The following COG6 variants were observed in gnomAD, a reference collection of about 807,000 sequenced individuals.
The protein encoded by COG6 is component of oligomeric golgi complex 6, also known as conserved oligomeric Golgi complex subunit 6.
COG6 carries 74 observed loss-of-function variants against 88.8 expected under a neutral mutation model. The observed-to-expected ratio is 0.83, with a 90% CI of 0.69 to 1.01. COG6 has a LOEUF of 1.01. COG6 is among the 50% of genes least tolerant of loss of function. The probability of loss-of-function intolerance (pLI) is 0.00; values close to 1 mark genes in which losing one functional copy is unlikely to be tolerated. For missense variants in COG6, 800 were observed against 797.9 expected (o/e 1.00, Z -0.03); for synonymous variants, 286 against 278.7 (o/e 1.03, Z -0.26).
chr13:39,761,026 T>C lies in COG6; in HGVS notation c.1827-27309T>C, dbSNP rs535348159. ...TAGCAATGTAAATTTGTCAGTATAA[T>C]AGAGAATCCACTTATATTTCTTCAA... On this transcript the variant is annotated intron_variant, in intron 18 of 18. Coordinates refer to the COG6 transcript ENST00000416691. 7.6e-4 allele frequency among the ~76,000 whole-genome samples: 116 copies of C among 151,986 alleles called. 1 individual carries two copies. Among genetic ancestry groups the C allele is most frequent in the African/African-American group, 2.7e-3 (112 of 41,484 alleles).
chr13:39,670,182 A>G (rs1483635759), intron 4 of COG6, among the ~76,000 whole-genome samples: 1 of 152,184 alleles, frequency 6.6e-6, no homozygotes, highest in African/African-American at 2.4e-5. Flanking sequence ...ACAGGACTGC[A>G]GGTTAGCATT....
rs1028891053 is a variant in COG6 at position 39,687,492 on chromosome 13, G to T, written c.789-11G>T. 3.1e-6 allele frequency: 5 copies of T among 1,610,902 alleles called. No homozygotes were observed. Among genetic ancestry groups the T allele is most frequent in the South Asian group, 1.1e-5 (1 of 90,982 alleles). ...ACCCCAACCATTTTTTATATAACTT[G>T]TTTCTTCTAGATATACCTTAGATGA... On this transcript the variant is annotated splice_polypyrimidine_tract_variant and intron_variant, in intron 8 of 18. Coordinates refer to ENST00000455146, the MANE Select transcript of COG6 (RefSeq NM_020751.3).
At chr13:39,769,146 A>G (rs150738680) in intron 18 of COG6, among the ~76,000 whole-genome samples, 45 of 152,152 alleles carry the variant, frequency 3.0e-4, no homozygotes, top group Non-Finnish European at 5.3e-4. Flanking sequence ...AGCTTTTCTA[A>G]AGTCTTTTGT....
rs74659505 is a variant in COG6, at chr13:39,759,365, G to A, written c.1827-28970G>A. The stretch of plus-strand genomic sequence containing the variant: ...GAGGAATATTTTCCTTGAACCTGGT[G>A]ATAGTACTGATATATAATTGTCCAG... On this transcript the variant is annotated intron_variant, in intron 18 of 18. Transcript: ENST00000416691. 7.7e-3 allele frequency among the ~76,000 whole-genome samples: 1,176 copies of A among 152,204 alleles called. 22 individuals carry two copies. The highest frequency in any genetic ancestry group is 0.027 in the African/African-American group (1,124 of 41,526).
intron 18 of COG6, among the ~76,000 whole-genome samples, chr13:39,769,432 C>A (rs938079611): frequency 6.6e-6 from 1 of 152,080 alleles, no homozygotes; most frequent in African/African-American, 2.4e-5. Context: ...GGCCGTGGGA[C>A]CTGGGAAAGA....
At chr13:39,739,209 C>G (rs1879920400) in intron 18 of COG6, among the ~76,000 whole-genome samples, 1 of 151,978 alleles carries the variant, frequency 6.6e-6, no homozygotes, top group Non-Finnish European at 1.5e-5. Context: ...CTAGCAAGAA[C>G]TAGAAAAGTC....
chr13:39,726,645 A>G (rs1434271740), intron 17 of COG6, among the ~76,000 whole-genome samples: 1 of 151,900 alleles, frequency 6.6e-6, no homozygotes, highest in East Asian at 1.9e-4. Context: ...CTTAAATCAG[A>G]TTTCTCCCTT....
intron 3 of COG6, among the ~76,000 whole-genome samples, chr13:39,664,598 G>T (rs75575490): frequency 0.059 from 9,021 of 152,222 alleles, 380 homozygotes; most frequent in Non-Finnish European, 0.095. Context: ...TTTAGATGGG[G>T]CTAGCTCTGA....
intron 18 of COG6, 54 bp downstream of exon 18, chr13:39,727,602 C>A: frequency 1.6e-6 from 2 of 1,276,278 alleles, no homozygotes; most frequent in Non-Finnish European, 2.3e-6. Flanking sequence ...TTTTAAATAT[C>A]AAGTACATTT....
Position 39,752,184 on chromosome 13 carries a change from G to A in COG6, c.*1091G>A. 1.7e-6 allele frequency: 2 copies of A among 1,146,266 alleles called. No individual in the cohort carries two copies. The highest frequency in any genetic ancestry group is 2.2e-6 in the Non-Finnish European group (2 of 894,846). The allele number at this position is 1,146,266 out of a possible 1,614,324, so 71.0% of individuals were successfully genotyped here. ...TAATTTCTAGTAAATCTATAAAAAT[G>A]GGTAAGTCCCTAAATTACAAATGAG... On this transcript the variant is annotated 3_prime_UTR_variant, in exon 19 of 19. Coordinates refer to ENST00000455146, the MANE Select transcript of COG6 (RefSeq NM_020751.3).
intron 13 of COG6, among the ~76,000 whole-genome samples, chr13:39,700,957 C>T (rs1485908105): frequency 1.3e-5 from 2 of 151,620 alleles, no homozygotes; most frequent in African/African-American, 4.8e-5. Context: ...ATAGAATATG[C>T]TAGAACATGA....
Position 39,677,468 on chromosome 13 carries a change from C to G in COG6, c.429C>G (p.Ser143Arg). 1 of 1,590,862 alleles carries G rather than the reference C, an allele frequency of 6.3e-7. No individual in the cohort carries two copies. The highest frequency in any genetic ancestry group is 8.6e-7 in the Non-Finnish European group (1 of 1,159,136). ...IVKTTKLQSE[S>R]QKLEIRAQVA... The stretch of plus-strand genomic sequence containing the variant: ...TTATTGCTTGTTTTGAAAATTACAG[C>G]CAAAAATTAGAGATAAGAGCTCAAG... Residue 143 changes from serine to arginine, a missense_variant and splice_region_variant, in exon 5 of 19, where the codon AGC (serine) becomes AGG (arginine). Physicochemically the swap from Ser to Arg is moderately radical, Grantham distance 110. Coordinates refer to ENST00000455146, the MANE Select transcript of COG6 (RefSeq NM_020751.3).
intron 12 of COG6, among the ~76,000 whole-genome samples, chr13:39,695,786 A>G (rs1021984619): frequency 1.3e-5 from 2 of 152,066 alleles, no homozygotes; most frequent in African/African-American, 4.8e-5. Flanking sequence ...TTAATATTTT[A>G]GATATAAACT....
intron 8 of COG6, among the ~76,000 whole-genome samples, chr13:39,686,410 A>G (rs1312359887): frequency 6.6e-6 from 1 of 152,204 alleles, no homozygotes; most frequent in Non-Finnish European, 1.5e-5. Context: ...CCATTTTTAT[A>G]AATTGAATCC....
chr13:39,758,412 T>G (rs1330202608), intron 18 of COG6, among the ~76,000 whole-genome samples: 1 of 151,934 alleles, frequency 6.6e-6, no homozygotes, highest in Non-Finnish European at 1.5e-5. Flanking sequence ...AAAAGACAAC[T>G]AAATTTTAAA....
At chr13:39,691,700 T>G (rs1384371757) in intron 11 of COG6, among the ~76,000 whole-genome samples, 1 of 151,868 alleles carries the variant, frequency 6.6e-6, no homozygotes, top group Non-Finnish European at 1.5e-5. Flanking sequence ...TATGACCTTA[T>G]TTGAGTATCT....
At chr13:39,746,908 A>G (rs1363141561) in intron 18 of COG6, among the ~76,000 whole-genome samples, 1 of 152,204 alleles carries the variant, frequency 6.6e-6, no homozygotes, top group Non-Finnish European at 1.5e-5. Context: ...CCCTAAAATA[A>G]TGTATGTGTA....
chr13:39,671,922 C>G (rs1359789016), intron 4 of COG6, among the ~76,000 whole-genome samples: 1 of 151,982 alleles, frequency 6.6e-6, no homozygotes, highest in Non-Finnish European at 1.5e-5. Context: ...TATGATTTCT[C>G]AACAGTGCTG....
At chr13:39,737,709 C>T (rs1879836495) in intron 18 of COG6, among the ~76,000 whole-genome samples, 1 of 152,008 alleles carries the variant, frequency 6.6e-6, no homozygotes, top group South Asian at 2.1e-4. Flanking sequence ...CTAAGCCCAG[C>T]ACAGCACAGA....
Sources: gnomAD v4.1 joint callset for allele counts (sites outside exome capture counted in the v4.1 genomes callset) on GRCh38, gnomAD v4.1.1 for gene constraint, MANE v1.5 for transcripts, NCBI Gene and HGNC (gene_info 2026-07-23, HGNC 2026-07-21) for gene names.